KIF3C: variants seen among roughly 807,000 people sequenced by gnomAD.
KIF3C encodes kinesin-like protein KIF3C.
In KIF3C, 12 loss-of-function variants were observed where a neutral mutation model predicts 67.7. The ratio of observed to expected loss-of-function variants is 0.18; its 90% confidence interval spans 0.11 to 0.29. The LOEUF (loss-of-function observed/expected upper bound fraction) is 0.29, where lower values mean the gene tolerates loss of function less well. Ranked by LOEUF, KIF3C falls within the 10% of genes least tolerant of loss-of-function variation. The pLI is 1.00. For synonymous variants in KIF3C, 393 were observed against 426.2 expected, an observed-to-expected ratio of 0.92 and a Z score of 0.96; for missense variants, 789 against 1,059.6, an observed-to-expected ratio of 0.74 and a Z score of 3.55.
intron 4 of KIF3C, 54 bp from the exon 5 acceptor site, chr2:25,951,959 G>A: frequency 8.2e-7 from 1 of 1,215,650 alleles, no homozygotes; most frequent in Non-Finnish European, 1.2e-6. Flanking sequence ...GAGACCACGT[G>A]GTGCATGTGA....
At position 25,928,718 on chromosome 2, in the gene KIF3C, G is replaced by A. The variant is rs532299209; in HGVS notation, c.*260C>T. ...TCAAGTCAGAAGAAAAAGAGGCTACGCAGTGACCACGGTAGGCCCAGACGG... is the reference window on the plus strand; with the variant it reads ...TCAAGTCAGAAGAAAAAGAGGCTACACAGTGACCACGGTAGGCCCAGACGG... On this transcript the variant is annotated 3_prime_UTR_variant, in exon 8 of 8. Transcript: ENST00000264712. The A allele has an allele frequency of 3.5e-5, 13 of 366,436 alleles. No homozygotes were observed. Among genetic ancestry groups the A allele is most frequent in the East Asian group, 5.2e-5 (1 of 19,190 alleles). The allele number at this position is 366,436 out of a possible 1,614,324, so 22.7% of individuals were successfully genotyped here. A position where few individuals can be genotyped will look rare whatever the true frequency, so the allele number is the denominator to read the frequency against.
At chr2:25,949,851 A>G (rs908758687) in intron 5 of KIF3C, among the ~76,000 whole-genome samples, 2 of 150,448 alleles carry the variant, frequency 1.3e-5, no homozygotes, top group African/African-American at 4.9e-5. Flanking sequence ...TGCACCTGCA[A>G]TCCCAGCTAC....
intron 5 of KIF3C, among the ~76,000 whole-genome samples, chr2:25,932,982 G>C (rs980512584): frequency 6.6e-6 from 1 of 152,128 alleles, no homozygotes; most frequent in Non-Finnish European, 1.5e-5. Context: ...CAGGCACCAT[G>C]GCTCATGCCT....
At chr2:25,978,574 C>T (rs1431908936) in intron 1 of KIF3C, among the ~76,000 whole-genome samples, 1 of 152,122 alleles carries the variant, frequency 6.6e-6, no homozygotes, top group Non-Finnish European at 1.5e-5. Flanking sequence ...GTGCTGGCCG[C>T]CCTGATCTCT....
intron 1 of KIF3C, among the ~76,000 whole-genome samples, chr2:25,973,816 A>G (rs1293336618): frequency 2.6e-5 from 4 of 152,166 alleles, no homozygotes; most frequent in Admixed American, 2.6e-4. Context: ...ATTTCAAAGG[A>G]AGGGGTAGAA....
rs1487517300 is a variant in KIF3C, at chr2:25,955,564, C to T, written c.1747G>A (p.Val583Ile). 5 of 1,613,974 alleles carry T rather than the reference C, an allele frequency of 3.1e-6. No homozygotes were observed. Among genetic ancestry groups the T allele is most frequent in the Non-Finnish European group, 3.4e-6 (4 of 1,180,006 alleles). The change falls in exon 3 of 8, where the codon GTC (valine) becomes ATC (isoleucine). Residue 583 changes from valine (V) to isoleucine (I), a missense_variant. This residue lies in a region of KIF3C where 648 missense variants were observed against 807.8 expected (regional missense o/e 0.80). Transcript: ENST00000264712. This position sits in a 1 kb window ranked among gnomAD's most constrained non-coding sequence, Gnocchi z 5.0. ...TYTSLQQEVE[V>I]KTKKLKKLYA... ...ACCTTCTTGAGTTTCTTGGTTTTGA[C>T]CTCCACCTCCTGCTGCAGGGATGTG...
At chr2:25,943,685 G>C (rs1030352934) in intron 5 of KIF3C, among the ~76,000 whole-genome samples, 6 of 152,054 alleles carry the variant, frequency 3.9e-5, no homozygotes, top group African/African-American at 7.2e-5. Flanking sequence ...AGTAGAGATG[G>C]AGAAACCCCG....
intron 5 of KIF3C, among the ~76,000 whole-genome samples, chr2:25,939,158 G>C (rs1663220886): frequency 6.6e-6 from 1 of 152,104 alleles, no homozygotes; most frequent in Non-Finnish European, 1.5e-5. Flanking sequence ...AGTAGAGACG[G>C]GGTTTTGCCA....
chr2:25,982,435 G>GGCT lies in KIF3C; in HGVS notation c.-521_-519dup. 2 of 398,710 alleles carry GGCT rather than the reference G, an allele frequency of 5.0e-6. No individual in the cohort carries two copies. The highest frequency in any genetic ancestry group is 8.8e-6 in the Non-Finnish European group (2 of 226,164). The allele number at this position is 398,710 out of a possible 1,614,324, so 24.7% of individuals were successfully genotyped here. On this transcript the variant is annotated 5_prime_UTR_variant, in exon 1 of 8. Transcript: ENST00000264712. ...GGGGATCATTCATTGCAGCCAGCGC[G>GGCT]GCTGCTGCTGCCTCTGCCTCCGCCT...
At position 25,982,090 on chromosome 2, in the gene KIF3C, G is replaced by A; in HGVS notation, c.-173C>T. ...GGGAGGTGGCCCCAACGCTGCTGCAGTCCGGGCCTCCACCGCTCTCCGGTC... is the reference window on the plus strand; with the variant it reads ...GGGAGGTGGCCCCAACGCTGCTGCAATCCGGGCCTCCACCGCTCTCCGGTC... On this transcript the variant is annotated 5_prime_UTR_variant, in exon 1 of 8. Coordinates refer to ENST00000264712, the MANE Select transcript of KIF3C (RefSeq NM_002254.8). 2 of 554,606 alleles carry A rather than the reference G, an allele frequency of 3.6e-6. No homozygotes were observed. The highest frequency in any genetic ancestry group is 6.3e-6 in the Non-Finnish European group (2 of 316,610). The allele number at this position is 554,606 out of a possible 1,614,324, so 34.4% of individuals were successfully genotyped here.
intron 5 of KIF3C, among the ~76,000 whole-genome samples, chr2:25,937,384 C>T (rs1663161663): frequency 6.6e-6 from 1 of 152,170 alleles, no homozygotes; most frequent in African/African-American, 2.4e-5. Context: ...CCTGCTGACC[C>T]TCTCTATAGA....
At chr2:25,933,037 G>A (rs190978435) in intron 5 of KIF3C, among the ~76,000 whole-genome samples, 6 of 152,096 alleles carry the variant, frequency 3.9e-5, no homozygotes, top group Non-Finnish European at 8.8e-5. Flanking sequence ...GACTGCCTGA[G>A]CTTAGGAGTT....
intron 5 of KIF3C, among the ~76,000 whole-genome samples, chr2:25,942,964 T>C (rs752026390): frequency 3.3e-5 from 5 of 152,178 alleles, no homozygotes; most frequent in Non-Finnish European, 4.4e-5. Context: ...AAGAATGTTT[T>C]TTGAACAGAA....
intron 6 of KIF3C, 117 bp from the exon 7 acceptor site, chr2:25,929,594 T>C: frequency 1.3e-6 from 1 of 794,160 alleles, no homozygotes; most frequent in Non-Finnish European, 2.0e-6. Context: ...GCAGAGGCTG[T>C]GAGCATCCCC....
Position 25,934,748 on chromosome 2 carries a change from C to G in KIF3C, c.2007-4685G>C, listed in dbSNP as rs370813564. Among the ~76,000 whole-genome samples, 90 of 152,198 alleles carry G rather than the reference C, an allele frequency of 5.9e-4. 5 individuals carry two copies. The South Asian group carries it at 0.018, about 31-fold the overall frequency. ...TTATGATAGGTCAACTACATCTCAA[C>G]AGAGCTGTTATTTAAACAATGAACA... On this transcript the variant is annotated intron_variant, in intron 5 of 7. Coordinates refer to ENST00000264712, the MANE Select transcript of KIF3C (RefSeq NM_002254.8).
intron 1 of KIF3C, among the ~76,000 whole-genome samples, chr2:25,966,717 T>G (rs185651941): frequency 6.6e-6 from 1 of 152,312 alleles, no homozygotes; most frequent in East Asian, 1.9e-4. Flanking sequence ...GCATCAAGTA[T>G]GATTTTACAA....
rs6721271 is a variant in KIF3C, at chr2:25,956,849, A to T, written c.1546-405T>A. Among the ~76,000 whole-genome samples the T allele has an allele frequency of 1.9e-3, 294 of 152,294 alleles. 2 individuals are homozygous for T. Among genetic ancestry groups the T allele is most frequent in the African/African-American group, 6.7e-3 (278 of 41,560 alleles). ...CACCAGGTAGCCCAGCCTTTAGCTA[A>T]CTGGCTTCCAACTCAGGAAGACAGC... On this transcript the variant is annotated intron_variant, in intron 1 of 7. Coordinates refer to ENST00000264712, the MANE Select transcript of KIF3C (RefSeq NM_002254.8).
chr2:25,959,736 G>A (rs1293792578), intron 1 of KIF3C, among the ~76,000 whole-genome samples: 5 of 152,112 alleles, frequency 3.3e-5, no homozygotes, highest in Admixed American at 6.6e-5. Flanking sequence ...CACTGCACCC[G>A]GCCACCTTGG....
In KIF3C at chr2:25,970,906, A is replaced by G. The variant is rs532383176; in HGVS notation, c.1545+9467T>C. The stretch of plus-strand genomic sequence containing the variant: ...TTTGGGAGTCCGAGGCGGGTGGATC[A>G]TGAGGTCAGGAGATCGAGACCACCC... On this transcript the variant is annotated intron_variant, in intron 1 of 7. Coordinates refer to ENST00000264712, the MANE Select transcript of KIF3C (RefSeq NM_002254.8). 1.1e-4 allele frequency among the ~76,000 whole-genome samples: 16 copies of G among 144,724 alleles called. 1 individual carries two copies. The South Asian group carries it at 3.7e-3, about 33-fold the overall frequency. 94.9% of individuals were successfully genotyped at this position (144,724 alleles called of 152,430 possible). A position where few individuals can be genotyped will look rare whatever the true frequency, so the allele number is the denominator to read the frequency against.
Sources: allele counts gnomAD v4.1 joint callset (sites outside exome capture counted in the v4.1 genomes callset), GRCh38; gene constraint gnomAD v4.1.1; regional missense constraint gnomAD v4.1.1; non-coding constraint Gnocchi (gnomAD v3.1); transcripts MANE v1.5; gene names NCBI Gene and HGNC (gene_info 2026-07-23, HGNC 2026-07-21).